Variants in ZNF536 observed in about 807,000 individuals in gnomAD.
ZNF536 encodes the protein zinc finger protein 536.
Under a neutral mutation model 84.5 loss-of-function variants are expected in ZNF536, and 13 were observed. That is an observed-to-expected ratio of 0.15 (90% confidence interval 0.10 to 0.24). The LOEUF is 0.24. Ranked by LOEUF, ZNF536 falls within the 10% of genes least tolerant of loss-of-function variation. The probability of loss-of-function intolerance (pLI) is 1.00; values close to 1 mark genes in which losing one functional copy is unlikely to be tolerated. For synonymous variants in ZNF536, 811 were observed against 742.5 expected (o/e 1.09, Z -1.50); for missense variants, 1,536 against 1,747.5 (o/e 0.88, Z 2.16).
intron 1 of ZNF536, among the ~76,000 whole-genome samples, chr19:30,637,574 A>G (rs1465848218): frequency 6.6e-6 from 1 of 152,222 alleles, no homozygotes; most frequent in African/African-American, 2.4e-5. Context: ...GCAAGCATTC[A>G]TCCTTTACGC....
intron 1 of ZNF536, among the ~76,000 whole-genome samples, chr19:30,425,091 G>A (rs1419871458): frequency 6.6e-6 from 1 of 152,170 alleles, no homozygotes; most frequent in Non-Finnish European, 1.5e-5. Flanking sequence ...GGACTCAAGG[G>A]AAAGAGTAGG....
chr19:30,266,874 G>A (rs1599956587), intron 1 of ZNF536, among the ~76,000 whole-genome samples: 4 of 152,060 alleles, frequency 2.6e-5, no homozygotes, highest in Admixed American at 1.3e-4. Context: ...ACACATCTGT[G>A]TTCAGAATTG....
At chr19:30,414,783 G>C (rs1477521853) in intron 1 of ZNF536, among the ~76,000 whole-genome samples, 2 of 151,974 alleles carry the variant, frequency 1.3e-5, no homozygotes, top group East Asian at 3.9e-4. Flanking sequence ...TATTTCCTCT[G>C]TTGTATAAAA....
At chr19:30,666,712 C>T (rs1008089080) in intron 1 of ZNF536, among the ~76,000 whole-genome samples, 1 of 142,516 alleles carries the variant, frequency 7.0e-6, no homozygotes, top group East Asian at 2.0e-4. Context: ...CCAGAAATAC[C>T]TTTTAATTGC....
chr19:30,662,962 C>CTTTTTT (rs951081577), intron 1 of ZNF536, among the ~76,000 whole-genome samples: 49 of 78,714 alleles, frequency 6.2e-4, no homozygotes, highest in African/African-American at 1.8e-3. Flanking sequence ...TTTTTCGTTT[C>CTTTTTT]TTTTTTTTTT....
intron 2 of ZNF536, among the ~76,000 whole-genome samples, chr19:30,312,986 A>G (rs573845951): frequency 2.0e-5 from 3 of 152,196 alleles, no homozygotes; most frequent in South Asian, 4.1e-4. Flanking sequence ...CACACTTCCC[A>G]TACTTCTCTC....
intron 1 of ZNF536, among the ~76,000 whole-genome samples, chr19:30,622,828 C>T (rs550655475): frequency 2.3e-3 from 354 of 152,148 alleles, no homozygotes; most frequent in Non-Finnish European, 4.1e-3. Flanking sequence ...GCCACCTCAC[C>T]GGCTGCCTGC....
At chr19:30,340,252 C>T (rs1329828044) in intron 2 of ZNF536, among the ~76,000 whole-genome samples, 1 of 152,156 alleles carries the variant, frequency 6.6e-6, no homozygotes, top group African/African-American at 2.4e-5. Flanking sequence ...GCACAAGAAG[C>T]CCAAATCCAA....
At chr19:30,595,743 TC>T (rs1360557646) in intron 1 of ZNF536, among the ~76,000 whole-genome samples, 1 of 152,204 alleles carries the variant, frequency 6.6e-6, no homozygotes, top group Non-Finnish European at 1.5e-5. Flanking sequence ...CTTGCATAGT[TC>T]TAGTTGGGTG....
At chr19:30,407,728 G>T (rs972789974) in intron 1 of ZNF536, among the ~76,000 whole-genome samples, 1 of 152,156 alleles carries the variant, frequency 6.6e-6, no homozygotes, top group Non-Finnish European at 1.5e-5. Flanking sequence ...ACATAAAGTG[G>T]ATTATGCTTG....
intron 1 of ZNF536, among the ~76,000 whole-genome samples, chr19:30,630,896 GC>G (rs1405627452): frequency 6.6e-6 from 1 of 152,214 alleles, no homozygotes; most frequent in Non-Finnish European, 1.5e-5. Flanking sequence ...GATAACAGAT[GC>G]AGACCAGCCT....
intron 1 of ZNF536, among the ~76,000 whole-genome samples, chr19:30,589,598 A>G (rs2047209709): frequency 6.6e-6 from 1 of 152,138 alleles, no homozygotes; most frequent in Non-Finnish European, 1.5e-5. Flanking sequence ...AAGCACAGGT[A>G]GGGGATAAAG....
intron 2 of ZNF536, among the ~76,000 whole-genome samples, chr19:30,514,874 T>A (rs984117394): frequency 1.3e-5 from 2 of 152,154 alleles, no homozygotes; most frequent in African/African-American, 4.8e-5. Context: ...CAGTCTGCTC[T>A]GTCCTTACTA....
chr19:30,388,747 T>C (rs1448443781), intron 1 of ZNF536, among the ~76,000 whole-genome samples: 2 of 152,212 alleles, frequency 1.3e-5, no homozygotes, highest in Non-Finnish European at 2.9e-5. Flanking sequence ...ATTTTCAGAA[T>C]TAGGATGGAG....
chr19:30,396,591 T>C (rs1396542471), intron 1 of ZNF536, among the ~76,000 whole-genome samples: 1 of 91,524 alleles, frequency 1.1e-5, no homozygotes. Flanking sequence ...GAGGGCTCTC[T>C]CTTTTTTTTT....
chr19:30,645,459 C>G (rs1306835058), intron 1 of ZNF536, among the ~76,000 whole-genome samples: 1 of 152,118 alleles, frequency 6.6e-6, no homozygotes, highest in Non-Finnish European at 1.5e-5. Flanking sequence ...GGAATCAATG[C>G]CTTGGTGCCT....
chr19:30,621,439 G>T (rs139315117), intron 1 of ZNF536, among the ~76,000 whole-genome samples: 87 of 152,184 alleles, frequency 5.7e-4, no homozygotes, highest in African/African-American at 2.0e-3. Flanking sequence ...GCTCTTCTCA[G>T]TGGGGGGACT....
intron 2 of ZNF536, among the ~76,000 whole-genome samples, chr19:30,337,365 T>C (rs1013376006): frequency 1.3e-5 from 2 of 152,210 alleles, no homozygotes; most frequent in African/African-American, 4.8e-5. Flanking sequence ...GCATGAACTG[T>C]AGATTTTAGC....
At position 30,363,807 on chromosome 19, in the gene ZNF536, G is replaced by C. The variant is rs139214587; in HGVS notation, c.-3+11323G>C. Among the ~76,000 whole-genome samples, 97 of 152,338 alleles carry C rather than the reference G, an allele frequency of 6.4e-4. 2 individuals carry two copies. In the East Asian group the frequency reaches 0.018, roughly 28 times the overall value. ...AGGCCAGGAAGAGCTTCATGGAAGG[G>C]CTGGCCTTGGAGCTGGACCTTGAGA... On this transcript the variant is annotated intron_variant, in intron 3 of 5. Transcript: ENST00000585628.
Sources: allele counts gnomAD v4.1 joint callset (sites outside exome capture counted in the v4.1 genomes callset), GRCh38; gene constraint gnomAD v4.1.1; transcripts MANE v1.5; gene names NCBI Gene and HGNC (gene_info 2026-07-23, HGNC 2026-07-21).